MRPL13: variants seen among roughly 807,000 people sequenced by gnomAD.
The protein encoded by MRPL13 is large ribosomal subunit protein uL13m.
Under a neutral mutation model 29.0 loss-of-function variants are expected in MRPL13, and 33 were observed. That is an observed-to-expected ratio of 1.14 (90% confidence interval 0.86 to 1.52). The LOEUF (loss-of-function observed/expected upper bound fraction) is 1.52. MRPL13 is among the 40% of genes most tolerant of loss of function. The pLI is 0.00. For missense variants in MRPL13, 227 were observed against 216.7 expected, an observed-to-expected ratio of 1.05 and a Z score of -0.30; for synonymous variants, 77 against 68.4, an observed-to-expected ratio of 1.13 and a Z score of -0.62.
chr8:120,419,854 C>A lies in MRPL13; in HGVS notation c.391G>T (p.Glu131Ter). The change falls in exon 5 of 7, where the codon GAG becomes TAG. Residue 131 changes from glutamate (E) to a stop codon, truncating the protein, a stop_gained and splice_region_variant. Coordinates refer to ENST00000306185, the MANE Select transcript of MRPL13 (RefSeq NM_014078.6). LOFTEE classifies it high-confidence loss of function. The part of the protein sequence containing the change: ...MMERLHLFPD[E>*]YIPEDILKNL... ...GTTACCAATGACCACTGACTTACCT[C>A]ATCTGGAAAAAGATGCAACCTTTCC... is the stretch of plus-strand genomic sequence containing the variant. 6.3e-7 allele frequency: 1 copy of A among 1,589,374 alleles called. No homozygotes were observed. Among genetic ancestry groups the A allele is most frequent in the South Asian group, 1.2e-5 (1 of 86,300 alleles).
chr8:120,408,745 TTA>T (rs1371887185), intron 6 of MRPL13, among the ~76,000 whole-genome samples: 4 of 152,206 alleles, frequency 2.6e-5, no homozygotes, highest in Non-Finnish European at 5.9e-5. Flanking sequence ...GAAGCATGTT[TTA>T]TAAAGGCATA....
intron 6 of MRPL13, among the ~76,000 whole-genome samples, chr8:120,413,466 A>T (rs553879459): frequency 6.6e-6 from 1 of 152,338 alleles, no homozygotes; most frequent in South Asian, 2.1e-4. Flanking sequence ...TCATCTGGAT[A>T]GCCCTGGCAA....
intron 5 of MRPL13, chr8:120,415,085 G>A (rs1812788479): frequency 6.6e-6 from 1 of 152,112 alleles, no homozygotes; most frequent in African/African-American, 2.4e-5. Context: ...AGACTAAGGA[G>A]GAATGATAAA....
At chr8:120,425,621 A>G (rs1002978312) in intron 3 of MRPL13, among the ~76,000 whole-genome samples, 2 of 152,174 alleles carry the variant, frequency 1.3e-5, no homozygotes, top group African/African-American at 4.8e-5. Context: ...CTGAATTGTA[A>G]GTTATTAATT....
At chr8:120,400,770 T>C (rs1812586138) in intron 6 of MRPL13, among the ~76,000 whole-genome samples, 1 of 151,166 alleles carries the variant, frequency 6.6e-6, no homozygotes, top group Non-Finnish European at 1.5e-5. Flanking sequence ...GTTAGACTAA[T>C]AAAGGAGAAG....
At chr8:120,418,618 C>T (rs7826746) in intron 5 of MRPL13, among the ~76,000 whole-genome samples, 31,211 of 151,734 alleles carry the variant, frequency 0.21, 3,359 homozygotes, top group Middle Eastern at 0.27. Context: ...TCCTATTTAA[C>T]GGAACTATCG....
At chr8:120,401,549 C>A (rs368192379) in intron 6 of MRPL13, among the ~76,000 whole-genome samples, 11 of 152,148 alleles carry the variant, frequency 7.2e-5, no homozygotes, top group African/African-American at 2.2e-4. Flanking sequence ...CAATATCATA[C>A]TGAATGGCGA....
chr8:120,431,952 C>T (rs980075706), intron 3 of MRPL13, 78 bp downstream of exon 3: 2 of 1,018,412 alleles, frequency 2.0e-6, no homozygotes, highest in Admixed American at 2.8e-5. Flanking sequence ...TATCTTTTTT[C>T]TTTTAAGTAA....
chr8:120,437,091 TCTC>T (rs904657272), intron 2 of MRPL13, among the ~76,000 whole-genome samples: 8 of 152,096 alleles, frequency 5.3e-5, no homozygotes, highest in African/African-American at 1.9e-4. Context: ...GAAGCAAAAA[TCTC>T]CTTCAGTGCT....
At chr8:120,397,078 C>T (rs774782280) in intron 6 of MRPL13, among the ~76,000 whole-genome samples, 1 of 152,188 alleles carries the variant, frequency 6.6e-6, no homozygotes, top group Non-Finnish European at 1.5e-5. Flanking sequence ...GAAACCCCCA[C>T]TCCCAGCCAC....
intron 2 of MRPL13, among the ~76,000 whole-genome samples, chr8:120,440,208 C>T (rs1161685661): frequency 1.3e-5 from 2 of 152,116 alleles, no homozygotes; most frequent in Admixed American, 6.6e-5. Context: ...AGGAATCAGG[C>T]GAGGCCTCTC....
intron 6 of MRPL13, among the ~76,000 whole-genome samples, chr8:120,404,696 C>T (rs527686997): frequency 1.3e-5 from 2 of 152,262 alleles, no homozygotes; most frequent in South Asian, 2.1e-4. Context: ...ATTATTTTAT[C>T]CTCACAACTA....
chr8:120,401,711 CCT>C (rs1491028365), intron 6 of MRPL13, among the ~76,000 whole-genome samples: 1 of 152,018 alleles, frequency 6.6e-6, no homozygotes, highest in Non-Finnish European at 1.5e-5. Flanking sequence ...AGTCAAATTA[CCT>C]CTGTTTGCAG....
At chr8:120,400,737 T>TAA (rs1439338950) in intron 6 of MRPL13, among the ~76,000 whole-genome samples, 17 of 140,144 alleles carry the variant, frequency 1.2e-4, no homozygotes, top group African/African-American at 4.6e-4. Context: ...AATAAATAAA[T>TAA]AAATAAAAAA....
At chr8:120,405,291 T>C (rs1812653742) in intron 6 of MRPL13, among the ~76,000 whole-genome samples, 1 of 152,224 alleles carries the variant, frequency 6.6e-6, no homozygotes. Context: ...CTTTTCTGTA[T>C]TGCTTATTCC....
At chr8:120,439,542 G>A (rs547848191) in intron 2 of MRPL13, among the ~76,000 whole-genome samples, 56 of 152,208 alleles carry the variant, frequency 3.7e-4, no homozygotes, top group Non-Finnish European at 5.3e-4. Context: ...GCAATGGTTC[G>A]GTATTCACTA....
At chr8:120,427,057 A>G (rs1253717660) in intron 3 of MRPL13, among the ~76,000 whole-genome samples, 1 of 152,194 alleles carries the variant, frequency 6.6e-6, no homozygotes, top group East Asian at 1.9e-4. Context: ...TGGAAAACAG[A>G]AGAAATTACA....
chr8:120,417,741 A>G (rs1250731159), intron 5 of MRPL13, among the ~76,000 whole-genome samples: 2 of 151,906 alleles, frequency 1.3e-5, no homozygotes, highest in African/African-American at 4.8e-5. Context: ...CTATTATTTC[A>G]CTATTATAAA....
rs374108125 is a variant in MRPL13, at chr8:120,430,286, T to A, written c.245+1744A>T. Among the ~76,000 whole-genome samples, 110 of 152,090 alleles carry A rather than the reference T, an allele frequency of 7.2e-4. 1 individual carries two copies. The highest frequency in any genetic ancestry group is 2.5e-3 in the African/African-American group (105 of 41,506). ...CAAAAAACAAAACAAAATGAAAATTTTACATTTCCACAATGTGGAATCCAT... is the reference window on the plus strand; with the variant it reads ...CAAAAAACAAAACAAAATGAAAATTATACATTTCCACAATGTGGAATCCAT... On this transcript the variant is annotated intron_variant, in intron 3 of 6. Transcript: ENST00000306185.
Sources: allele counts gnomAD v4.1 joint callset (sites outside exome capture counted in the v4.1 genomes callset), GRCh38; gene constraint gnomAD v4.1.1; transcripts MANE v1.5; gene names NCBI Gene and HGNC (gene_info 2026-07-23, HGNC 2026-07-21).